DZANK1: variants seen among roughly 807,000 people sequenced by gnomAD.
DZANK1 encodes the protein double zinc ribbon and ankyrin repeat-containing protein 1.
A neutral mutation model predicts 94.5 loss-of-function variants in DZANK1; 91 were observed. The observed-to-expected ratio is 0.96, with a 90% CI of 0.81 to 1.15. DZANK1 has a LOEUF of 1.15. DZANK1 is among the 50% of genes most tolerant of loss of function. The probability of loss-of-function intolerance (pLI) is 0.00; values close to 1 mark genes in which losing one functional copy is unlikely to be tolerated. For synonymous variants in DZANK1, 312 were observed against 325.3 expected, an observed-to-expected ratio of 0.96 and a Z score of 0.44; for missense variants, 903 against 916.4, an observed-to-expected ratio of 0.99 and a Z score of 0.19.
chr20:18,405,152 G>T (rs929560213), intron 13 of DZANK1, among the ~76,000 whole-genome samples: 1 of 151,734 alleles, frequency 6.6e-6, no homozygotes, highest in Non-Finnish European at 1.5e-5. Context: ...GCTGTGATTT[G>T]TATCATTGCA....
intron 9 of DZANK1, among the ~76,000 whole-genome samples, chr20:18,427,657 G>A (rs143601523): frequency 4.9e-4 from 75 of 151,766 alleles, no homozygotes; most frequent in African/African-American, 1.7e-3. Context: ...TGTGAAAACC[G>A]TGACACTGAG....
rs918348204 is a variant in DZANK1, at chr20:18,444,967, A to AT, written c.630-1504dup. ...AGGTGCCTGCCACCAAGCCCGGCTA[A>AT]TTTTTTTTTTTTTGTAGTTTTAGTA... On this transcript the variant is annotated intron_variant, in intron 7 of 20. Transcript: ENST00000262547. 4.5e-3 allele frequency among the ~76,000 whole-genome samples: 646 copies of AT among 144,868 alleles called. 2 individuals are homozygous for AT. The highest frequency in any genetic ancestry group is 9.8e-3 in the African/African-American group (390 of 39,788).
intron 13 of DZANK1, among the ~76,000 whole-genome samples, chr20:18,409,621 G>A (rs886600907): frequency 5.3e-5 from 8 of 150,862 alleles, no homozygotes; most frequent in African/African-American, 2.0e-4. Context: ...AGGTAATTAT[G>A]TAATTATAAA....
chr20:18,389,529 C>A (rs963427109), intron 19 of DZANK1, among the ~76,000 whole-genome samples, 172 bp downstream of exon 19: 4 of 152,196 alleles, frequency 2.6e-5, no homozygotes, highest in Non-Finnish European at 5.9e-5. Context: ...TCGCTTTACC[C>A]AGCTATGGAA....
chr20:18,413,239 G>C (rs1385601439), intron 12 of DZANK1: 2 of 229,464 alleles, frequency 8.7e-6, no homozygotes, highest in East Asian at 2.0e-4. Context: ...GGGGACCTGA[G>C]AGGACTACCA....
intron 1 of DZANK1, among the ~76,000 whole-genome samples, chr20:18,465,780 G>A (rs955669467): frequency 2.6e-5 from 4 of 152,162 alleles, no homozygotes; most frequent in Non-Finnish European, 5.9e-5. Context: ...ATCATACAAG[G>A]GGAACAGAAG....
intron 15 of DZANK1, among the ~76,000 whole-genome samples, chr20:18,396,199 C>G (rs1358012967): frequency 6.6e-6 from 1 of 152,128 alleles, no homozygotes; most frequent in Non-Finnish European, 1.5e-5. Context: ...TAGTCTTTCC[C>G]CAAATCAATT....
chr20:18,456,141 C>CA, intron 3 of DZANK1, among the ~76,000 whole-genome samples: 1 of 152,112 alleles, frequency 6.6e-6, no homozygotes, highest in Non-Finnish European at 1.5e-5. Flanking sequence ...TATTCTAAAA[C>CA]AAAAAATGTG....
intron 13 of DZANK1, among the ~76,000 whole-genome samples, chr20:18,409,009 A>AG (rs1296723914): frequency 1.3e-5 from 2 of 152,190 alleles, no homozygotes; most frequent in East Asian, 3.8e-4. Flanking sequence ...GTTAAAAAGC[A>AG]GGGGGGATTA....
At position 18,451,415 on chromosome 20, in the gene DZANK1, TC is replaced by T. The variant is rs765117571; in HGVS notation, c.543+1199del. Among the ~76,000 whole-genome samples, 147 of 152,192 alleles carry T rather than the reference TC, an allele frequency of 9.7e-4. 2 individuals carry two copies. The highest frequency in any genetic ancestry group is 2.5e-4 in the Non-Finnish European group (17 of 68,026). On this transcript the variant is annotated intron_variant, in intron 6 of 20. Coordinates refer to ENST00000262547, the Ensembl canonical transcript of DZANK1. ...CCATGGCAACATATTCTTTTGGCTT[TC>T]TTTCTACTTTCAGGCTCCTCCTCCC...
At chr20:18,466,861 C>A (rs952955370) in intron 1 of DZANK1, 135 bp downstream of exon 1, 2 of 152,588 alleles carry the variant, frequency 1.3e-5, no homozygotes, top group African/African-American at 4.8e-5. Context: ...GCCAAGGACA[C>A]CTGCATCCTT....
chr20:18,445,763 G>GT (rs1160106927), intron 7 of DZANK1, among the ~76,000 whole-genome samples: 2 of 151,840 alleles, frequency 1.3e-5, no homozygotes, highest in African/African-American at 4.8e-5. Context: ...TATATACAAG[G>GT]TTTTTTGTTT....
chr20:18,387,906 C>T (rs934214330), intron 19 of DZANK1, among the ~76,000 whole-genome samples: 2 of 152,324 alleles, frequency 1.3e-5, no homozygotes, highest in East Asian at 3.9e-4. Context: ...TAAGGAACAA[C>T]TCGCTGAGCC....
In DZANK1 at chr20:18,448,071, G is replaced by A. The variant is rs187265652; in HGVS notation, c.629+913C>T. The stretch of plus-strand genomic sequence containing the variant: ...AGACTGGATCACTTTTGTATATACA[G>A]TAACTTTTGTACAAATGTTCACAGC... On this transcript the variant is annotated intron_variant, in intron 7 of 20. Coordinates refer to ENST00000262547, the Ensembl canonical transcript of DZANK1. Among the ~76,000 whole-genome samples, 367 of 152,186 alleles carry A rather than the reference G, an allele frequency of 2.4e-3. 6 individuals carry two copies. The highest frequency in any genetic ancestry group is 0.02 in the Admixed American group (309 of 15,276).
intron 13 of DZANK1, among the ~76,000 whole-genome samples, chr20:18,409,982 G>A (rs561309144): frequency 2.0e-4 from 29 of 148,388 alleles, no homozygotes; most frequent in East Asian, 1.2e-3. Flanking sequence ...GCAGTGAGTC[G>A]GGATCACGCC....
At chr20:18,461,427 A>G (rs1046921849) in intron 2 of DZANK1, among the ~76,000 whole-genome samples, 4 of 151,768 alleles carry the variant, frequency 2.6e-5, no homozygotes, top group Non-Finnish European at 5.9e-5. Context: ...AATTTAACCA[A>G]TTCCCTACAC....
At chr20:18,426,962 T>C in intron 10 of DZANK1, 105 bp downstream of exon 10, 5 of 657,716 alleles carry the variant, frequency 7.6e-6, no homozygotes, top group South Asian at 4.6e-5. Flanking sequence ...AGAAGCTTTT[T>C]TTGGTCTCTC....
intron 9 of DZANK1, 78 bp downstream of exon 9, chr20:18,433,574 T>A: frequency 7.5e-7 from 1 of 1,327,586 alleles, no homozygotes; most frequent in Non-Finnish European, 1.1e-6. Flanking sequence ...CCCATCCCAC[T>A]AGCTGAAAAA....
intron 13 of DZANK1, among the ~76,000 whole-genome samples, chr20:18,404,876 C>T (rs1002467844): frequency 3.3e-5 from 5 of 151,692 alleles, no homozygotes; most frequent in Admixed American, 6.6e-5. Flanking sequence ...TGCACCACTG[C>T]ACTCCAGCCT....
Sources: allele counts gnomAD v4.1 joint callset (sites outside exome capture counted in the v4.1 genomes callset), GRCh38; gene constraint gnomAD v4.1.1; transcripts MANE v1.5; gene names NCBI Gene and HGNC (gene_info 2026-07-23, HGNC 2026-07-21).